PPM1H: variants seen among roughly 807,000 people sequenced by gnomAD.
PPM1H encodes protein phosphatase, Mg2+/Mn2+ dependent 1H.
PPM1H carries 27 observed loss-of-function variants against 54.9 expected under a neutral mutation model. The observed-to-expected ratio is 0.49, with a 90% CI of 0.36 to 0.68. The LOEUF (loss-of-function observed/expected upper bound fraction) is 0.68, where lower values mean the gene tolerates loss of function less well. Among genes scored for constraint, PPM1H ranks in the 30% least tolerant of loss-of-function variants. The pLI is 0.00. For missense variants in PPM1H, 596 were observed against 667.8 expected (o/e 0.89, Z 1.19); for synonymous variants, 305 against 270.8 (o/e 1.13, Z -1.24).
At position 62,647,098 on chromosome 12, in the gene PPM1H, A is replaced by AGTT. The variant is rs1276112008; in HGVS notation, c.*1388_*1390dup. 4.6e-5 allele frequency: 7 copies of AGTT among 152,166 alleles called. No homozygotes were observed. Among genetic ancestry groups the AGTT allele is most frequent in the Non-Finnish European group, 8.8e-5 (6 of 68,036 alleles). 9.4% of individuals were successfully genotyped at this position (152,166 alleles called of 1,614,324 possible). A position where few individuals can be genotyped will look rare whatever the true frequency, so the allele number is the denominator to read the frequency against. ...CAAGTCTGCCTAAGAGACAGAAGTG[A>AGTT]GTTTTATAATCTACTTGGCCATTCC... On this transcript the variant is annotated 3_prime_UTR_variant, in exon 10 of 10. Coordinates refer to ENST00000228705, the MANE Select transcript of PPM1H (RefSeq NM_020700.2).
intron 9 of PPM1H, among the ~76,000 whole-genome samples, chr12:62,649,693 C>T (rs1043949279): frequency 4.6e-5 from 7 of 152,180 alleles, no homozygotes; most frequent in African/African-American, 1.7e-4. Context: ...TATGATCTGC[C>T]TCCCTGTGTA....
At chr12:62,681,390 C>T in intron 8 of PPM1H, among the ~76,000 whole-genome samples, 1 of 152,182 alleles carries the variant, frequency 6.6e-6, no homozygotes, top group Middle Eastern at 3.2e-3. Flanking sequence ...CTCACTGCCA[C>T]AGTCTCAGTC....
At chr12:62,915,345 G>C (rs1046146574) in intron 1 of PPM1H, among the ~76,000 whole-genome samples, 1 of 152,234 alleles carries the variant, frequency 6.6e-6, no homozygotes, top group African/African-American at 2.4e-5. Context: ...GCGACCTTCA[G>C]GAGTTCTGCT....
At chr12:62,726,602 G>A (rs1481836495) in intron 5 of PPM1H, among the ~76,000 whole-genome samples, 9 of 152,198 alleles carry the variant, frequency 5.9e-5, no homozygotes, top group Non-Finnish European at 1.3e-4. Flanking sequence ...CAGAGCAGGG[G>A]CCTGGCTCCA....
At chr12:62,922,545 G>A (rs975323405) in intron 1 of PPM1H, among the ~76,000 whole-genome samples, 1 of 152,166 alleles carries the variant, frequency 6.6e-6, no homozygotes, top group Non-Finnish European at 1.5e-5. Flanking sequence ...AGAGATGTAA[G>A]TTGGTGTTCT....
At chr12:62,878,002 A>G (rs562790669) in intron 1 of PPM1H, among the ~76,000 whole-genome samples, 1 of 152,202 alleles carries the variant, frequency 6.6e-6, no homozygotes, top group Non-Finnish European at 1.5e-5. Context: ...GGTTCACACC[A>G]TTCTCCTGTC....
At chr12:62,832,082 A>G in intron 2 of PPM1H, 32 bp downstream of exon 2, 1 of 1,607,364 alleles carries the variant, frequency 6.2e-7, no homozygotes, top group Non-Finnish European at 8.5e-7. Flanking sequence ...CATTCTTCTC[A>G]CCTGAGAACC....
intron 4 of PPM1H, among the ~76,000 whole-genome samples, chr12:62,786,075 C>A (rs1163914703): frequency 6.6e-6 from 1 of 152,154 alleles, no homozygotes; most frequent in African/African-American, 2.4e-5. Flanking sequence ...GAAGCAAACT[C>A]ATTTTAAAGG....
At chr12:62,852,164 G>A (rs1043534797) in intron 1 of PPM1H, among the ~76,000 whole-genome samples, 1 of 148,740 alleles carries the variant, frequency 6.7e-6, no homozygotes, top group African/African-American at 2.5e-5. Context: ...GGGAGGCAGA[G>A]GTTGCAGTGA....
At chr12:62,700,742 T>C (rs1183447948) in intron 6 of PPM1H, among the ~76,000 whole-genome samples, 1 of 152,162 alleles carries the variant, frequency 6.6e-6, no homozygotes, top group Non-Finnish European at 1.5e-5. Flanking sequence ...GTTCTGATTT[T>C]CCCTTACTCC....
At chr12:62,763,969 C>T (rs2076526408) in intron 4 of PPM1H, among the ~76,000 whole-genome samples, 1 of 152,182 alleles carries the variant, frequency 6.6e-6, no homozygotes, top group African/African-American at 2.4e-5. Context: ...TTGTCTCCTC[C>T]AGCGAAGGTC....
chr12:62,813,074 T>C (rs1043405621), intron 2 of PPM1H, among the ~76,000 whole-genome samples: 1 of 152,032 alleles, frequency 6.6e-6, no homozygotes, highest in African/African-American at 2.4e-5. Flanking sequence ...GGTTGTGAGG[T>C]ACCCATCCCC....
At chr12:62,790,887 C>CT (rs1048737705) in intron 3 of PPM1H, among the ~76,000 whole-genome samples, 1 of 152,174 alleles carries the variant, frequency 6.6e-6, no homozygotes, top group Non-Finnish European at 1.5e-5. Context: ...TCTTAAAGGA[C>CT]TGTCGTAAGG....
chr12:62,701,168 G>T lies in PPM1H; in HGVS notation c.1074-7169C>A, dbSNP rs148393461. ...GCAGAGGCTTTATTCGTATTTTCTT[G>T]TTCCATAATATATTTGCAAAACAAA... On this transcript the variant is annotated intron_variant, in intron 6 of 9. Coordinates refer to ENST00000228705, the MANE Select transcript of PPM1H (RefSeq NM_020700.2). 5.4e-3 allele frequency among the ~76,000 whole-genome samples: 815 copies of T among 152,284 alleles called. 9 individuals carry two copies. Among genetic ancestry groups the T allele is most frequent in the African/African-American group, 0.019 (781 of 41,558 alleles).
At chr12:62,680,188 G>T (rs976497358) in intron 8 of PPM1H, among the ~76,000 whole-genome samples, 7 of 152,020 alleles carry the variant, frequency 4.6e-5, no homozygotes, top group African/African-American at 1.2e-4. Flanking sequence ...TGCTGCCTGG[G>T]ACTATTTTCA....
chr12:62,665,903 A>C (rs2136610760), intron 9 of PPM1H, among the ~76,000 whole-genome samples: 2 of 151,924 alleles, frequency 1.3e-5, no homozygotes, highest in Non-Finnish European at 2.9e-5. Context: ...ATGCTCAGCT[A>C]ATTTTTGTAA....
chr12:62,829,522 T>TA (rs1232195422), intron 2 of PPM1H, among the ~76,000 whole-genome samples: 2 of 152,098 alleles, frequency 1.3e-5, no homozygotes, highest in African/African-American at 4.8e-5. Flanking sequence ...TACCACAATT[T>TA]AAAAAAAGGA....
At chr12:62,818,486 T>C (rs1245009784) in intron 2 of PPM1H, among the ~76,000 whole-genome samples, 1 of 152,206 alleles carries the variant, frequency 6.6e-6, no homozygotes, top group Admixed American at 6.5e-5. Context: ...GAATAAGGTA[T>C]TGTCCTCAAC....
intron 1 of PPM1H, among the ~76,000 whole-genome samples, chr12:62,933,126 G>A (rs1186011026): frequency 6.6e-6 from 1 of 152,032 alleles, no homozygotes; most frequent in Non-Finnish European, 1.5e-5. Context: ...CATCTTTTAT[G>A]ATGTGTTAAT....
Sources: gnomAD v4.1 joint callset for allele counts (sites outside exome capture counted in the v4.1 genomes callset) on GRCh38, gnomAD v4.1.1 for gene constraint, MANE v1.5 for transcripts, NCBI Gene and HGNC (gene_info 2026-07-23, HGNC 2026-07-21) for gene names.